GTF2H2C: variants seen among roughly 807,000 people sequenced by gnomAD.
GTF2H2C encodes the protein GTF2H2 family member C.
In GTF2H2C, 5 loss-of-function variants were observed where a neutral mutation model predicts 24.8. The observed-to-expected ratio is 0.20, with a 90% CI of 0.11 to 0.42. The LOEUF is 0.42. Among genes scored for constraint, GTF2H2C ranks in the 20% least tolerant of loss-of-function variants. The pLI, the probability that GTF2H2C is intolerant of heterozygous loss-of-function variation, is 1.00. For missense variants in GTF2H2C, 45 were observed against 169.8 expected (o/e 0.27, Z 4.08); for synonymous variants, 14 against 52.6 (o/e 0.27, Z 3.18).
At chr5:69,563,659 A>T (rs1348796362) in intron 2 of GTF2H2C, among the ~76,000 whole-genome samples, 2 of 151,990 alleles carry the variant, frequency 1.3e-5, no homozygotes, top group East Asian at 3.9e-4. Context: ...ATAGTACCTG[A>T]TAGGCAGTTT....
At chr5:69,573,077 A>G (rs957021585) in intron 9 of GTF2H2C, among the ~76,000 whole-genome samples, 20 of 144,326 alleles carry the variant, frequency 1.4e-4, no homozygotes, top group African/African-American at 4.6e-4. Flanking sequence ...TTTATTATAC[A>G]TATATATAAA....
rs372454225 is a variant in GTF2H2C, at chr5:69,563,208, G to GTTTTT, written c.-34+458_-34+462dup. On this transcript the variant is annotated intron_variant, in intron 2 of 16. Coordinates refer to ENST00000380729, the MANE Select transcript of GTF2H2C (RefSeq NM_001376000.2). ...GATGTCAGCCATCATACCCGGCCTG[G>GTTTTT]TTTTTTTTTTTTTTTTTTTTTTTTG... 1.2e-3 allele frequency among the ~76,000 whole-genome samples: 131 copies of GTTTTT among 107,306 alleles called. 3 individuals are homozygous for GTTTTT. The highest frequency in any genetic ancestry group is 5.4e-3 in the African/African-American group (123 of 22,758). The allele number at this position is 107,306 out of a possible 152,430, so 70.4% of individuals were successfully genotyped here.
chr5:69,564,638 CT>C (rs560307131), intron 2 of GTF2H2C, among the ~76,000 whole-genome samples: 15 of 138,072 alleles, frequency 1.1e-4, no homozygotes, highest in Admixed American at 2.2e-4. Context: ...ATTTTGTGTC[CT>C]TTTTTTTTGA....
chr5:69,591,457 T>TC (rs1771982834), intron 16 of GTF2H2C, among the ~76,000 whole-genome samples: 1 of 146,280 alleles, frequency 6.8e-6, no homozygotes, highest in African/African-American at 2.5e-5. Context: ...ATTTATTCAT[T>TC]CTTTTTTTTT....
At chr5:69,568,543 G>C (rs1770906960) in intron 8 of GTF2H2C, 1 of 143,516 alleles carries the variant, frequency 7.0e-6, no homozygotes, top group African/African-American at 4.3e-5. Context: ...CTGTCGCCAG[G>C]CTAGAGTGCA....
intron 16 of GTF2H2C, among the ~76,000 whole-genome samples, chr5:69,591,570 T>A (rs1355108593): frequency 2.0e-5 from 3 of 152,014 alleles, no homozygotes; most frequent in Non-Finnish European, 4.4e-5. Context: ...CTCATATATG[T>A]AATGCTGAAA....
Position 69,590,335 on chromosome 5 carries a change from T to G in GTF2H2C, c.1036T>G (p.Tyr346Asp). 9.3e-6 allele frequency: 2 copies of G among 215,174 alleles called. No homozygotes were observed. Among genetic ancestry groups the G allele is most frequent in the South Asian group, 7.3e-5 (2 of 27,492 alleles). The allele number at this position is 215,174 out of a possible 1,614,324, so 13.3% of individuals were successfully genotyped here. A position where few individuals can be genotyped will look rare whatever the true frequency, so the allele number is the denominator to read the frequency against. The stretch of plus-strand genomic sequence containing the variant: ...GTTAAACTTTTTTTTCAGATTTTGT[T>G]ATGGATGTCAGGGGGAATTGAAAGA... The part of the protein sequence containing the change: ...LEEYNGERFC[Y>D]GCQGELKDQH... The change falls in exon 16 of 17, where the codon TAT becomes GAT. Residue 346 changes from tyrosine to aspartate, a missense_variant. Tyr to Asp is a radical substitution (Grantham distance 160). Transcript: ENST00000380729.
rs1240856061 is a variant in GTF2H2C, at chr5:69,566,472, C to T, written c.135-117C>T. 16 of 1,523,466 alleles carry T rather than the reference C, an allele frequency of 1.1e-5. No individual in the cohort carries two copies. The Admixed American group carries it at 2.7e-4, about 26-fold the overall frequency. The allele number at this position is 1,523,466 out of a possible 1,614,324, so 94.4% of individuals were successfully genotyped here. On this transcript the variant is annotated intron_variant, in intron 4 of 16. Transcript: ENST00000380729. ...CACTAAAAATGCACGTTATGACATTCTTAATCAGAATTAGAAAAAAAGAAA... is the reference window on the plus strand; with the variant it reads ...CACTAAAAATGCACGTTATGACATTTTTAATCAGAATTAGAAAAAAAGAAA...
rs1183012061 is a variant in GTF2H2C at position 69,582,859 on chromosome 5, A to G, written c.821+430A>G. On this transcript the variant is annotated intron_variant, in intron 13 of 16. Transcript: ENST00000380729. ...TAGGTGATACCATCATTGTGCAAACATCACAGAGTGCACTTACACAAACCT... is the reference window on the plus strand; with the variant it reads ...TAGGTGATACCATCATTGTGCAAACGTCACAGAGTGCACTTACACAAACCT... Among the ~76,000 whole-genome samples, 25 of 31,822 alleles carry G rather than the reference A, an allele frequency of 7.9e-4. 11 individuals carry two copies. Among genetic ancestry groups the G allele is most frequent in the Admixed American group, 2.6e-3 (11 of 4,246 alleles). 20.9% of individuals were successfully genotyped at this position (31,822 alleles called of 152,430 possible).
intron 8 of GTF2H2C, chr5:69,568,451 A>G (rs1561365999): frequency 4.5e-6 from 2 of 443,770 alleles, no homozygotes; most frequent in Non-Finnish European, 7.9e-6. Flanking sequence ...GTTTTTATTT[A>G]AATTCTATAT....
intron 2 of GTF2H2C, 79 bp from the exon 3 acceptor site, chr5:69,565,019 ATG>A: frequency 2.0e-6 from 2 of 1,004,964 alleles, no homozygotes; most frequent in South Asian, 1.6e-5. Context: ...TACTTTATAT[ATG>A]TGTCTAATTT....
chr5:69,566,124 CTT>C lies in GTF2H2C; in HGVS notation c.57-6_57-5del. On this transcript the variant is annotated splice_region_variant and splice_polypyrimidine_tract_variant and intron_variant, in intron 3 of 16. Coordinates refer to ENST00000380729, the MANE Select transcript of GTF2H2C (RefSeq NM_001376000.2). ...TGTCTTTTCAAACAAATAATTATGA[CTT>C]ATAGGGAGATTCTTAAAGAAGATGA... 2 of 1,588,316 alleles carry C rather than the reference CTT, an allele frequency of 1.3e-6. No individual in the cohort carries two copies. Among genetic ancestry groups the C allele is most frequent in the Non-Finnish European group, 1.7e-6 (2 of 1,162,546 alleles).
rs572442328 is a variant in GTF2H2C at position 69,563,769 on chromosome 5, C to T, written c.-34+999C>T. On this transcript the variant is annotated intron_variant, in intron 2 of 16. Transcript: ENST00000380729. ...GTGTACTCAGTGTTTAGTTTCCACT[C>T]GTAAATGAGAACATGCCGTCTTTGG... Among the ~76,000 whole-genome samples, 960 of 152,080 alleles carry T rather than the reference C, an allele frequency of 6.3e-3. 10 individuals carry two copies. Among genetic ancestry groups the T allele is most frequent in the Non-Finnish European group, 0.01 (704 of 68,016 alleles).
intron 8 of GTF2H2C, chr5:69,568,897 A>G (rs1235634984): frequency 1.7e-5 from 2 of 118,010 alleles, no homozygotes; most frequent in East Asian, 4.6e-4. Context: ...TTAAAAGGGA[A>G]AAAGTATAAA....
chr5:69,594,259 G>A lies in GTF2H2C; in HGVS notation c.*2061G>A, dbSNP rs1772099602. The stretch of plus-strand genomic sequence containing the variant: ...TTTGGTAGAGACGGGGTTTCACCTT[G>A]TTGATCAGGCTGATCTCCAACTCCT... On this transcript the variant is annotated 3_prime_UTR_variant, in exon 17 of 17. Transcript: ENST00000380729. 1.1e-5 allele frequency: 1 copy of A among 93,288 alleles called. No homozygotes were observed. Among genetic ancestry groups the A allele is most frequent in the Non-Finnish European group, 2.3e-5 (1 of 43,228 alleles). 5.8% of individuals were successfully genotyped at this position (93,288 alleles called of 1,614,324 possible).
chr5:69,563,787 G>A (rs1319440795), intron 2 of GTF2H2C, among the ~76,000 whole-genome samples: 6 of 151,918 alleles, frequency 3.9e-5, no homozygotes, highest in African/African-American at 7.3e-5. Context: ...AGAACATGCC[G>A]TCTTTGGTTT....
intron 15 of GTF2H2C, among the ~76,000 whole-genome samples, chr5:69,589,178 G>C (rs1387597479): frequency 5.0e-5 from 3 of 60,518 alleles, no homozygotes; most frequent in Non-Finnish European, 1.2e-4. Context: ...TAGCAACACA[G>C]TATTTCCAGG....
intron 1 of GTF2H2C, chr5:69,560,715 AC>A (rs1406065788): frequency 2.6e-5 from 4 of 151,562 alleles, no homozygotes; most frequent in Non-Finnish European, 4.4e-5. Context: ...ATGCTGAGGA[AC>A]GTGGATTGTT....
chr5:69,562,283 A>T (rs1337149865), intron 1 of GTF2H2C, among the ~76,000 whole-genome samples: 1 of 151,780 alleles, frequency 6.6e-6, no homozygotes, highest in Non-Finnish European at 1.5e-5. Context: ...GCGCCATTGC[A>T]CTCCAGCCTG....
Sources: gnomAD v4.1 joint callset for allele counts (sites outside exome capture counted in the v4.1 genomes callset) on GRCh38, gnomAD v4.1.1 for gene constraint, MANE v1.5 for transcripts, NCBI Gene and HGNC (gene_info 2026-07-23, HGNC 2026-07-21) for gene names.